The following M1AP variants were observed in gnomAD, a reference collection of about 807,000 sequenced individuals.
The protein encoded by M1AP is meiosis 1 arrest protein.
Under a neutral mutation model 51.2 loss-of-function variants are expected in M1AP, and 39 were observed. That is an observed-to-expected ratio of 0.76 (90% CI 0.59 to 1.00). The LOEUF (loss-of-function observed/expected upper bound fraction) is 1.00. Among genes scored for constraint, M1AP ranks in the 50% least tolerant of loss-of-function variants. The pLI is 0.00. For missense variants in M1AP, 545 were observed against 641.2 expected (o/e 0.85, Z 1.62); for synonymous variants, 251 against 249.2 (o/e 1.01, Z -0.07).
chr2:74,623,527 G>A (rs1370833274), intron 2 of M1AP, among the ~76,000 whole-genome samples: 1 of 151,710 alleles, frequency 6.6e-6, no homozygotes, highest in Non-Finnish European at 1.5e-5. Flanking sequence ...AAGAGAGAGA[G>A]AGAGTTTGAG....
Position 74,639,920 on chromosome 2 carries a change from G to A in M1AP, c.240+116C>T, listed in dbSNP as rs1683193767. The A allele has an allele frequency of 6.8e-6, 6 of 877,784 alleles. No individual in the cohort carries two copies. In the Admixed American group the frequency reaches 1.3e-4, roughly 19 times the overall value. The allele number at this position is 877,784 out of a possible 1,614,324, so 54.4% of individuals were successfully genotyped here. A position where few individuals can be genotyped will look rare whatever the true frequency, so the allele number is the denominator to read the frequency against. On this transcript the variant is annotated intron_variant, in intron 2 of 10. Transcript: ENST00000421985. ...CATGGTGTTACTCGGGGGCTACTGT[G>A]TGTGGAGAAGTAGTGCGGTTATTGT...
At chr2:74,581,879 T>TA (rs1679429690) in intron 4 of M1AP, 32 bp from the exon 5 acceptor site, 1 of 1,573,908 alleles carries the variant, frequency 6.4e-7, no homozygotes, top group African/African-American at 1.4e-5. Flanking sequence ...AGTGTTCACT[T>TA]AGATTGTAAA....
In M1AP at chr2:74,619,373, T is replaced by C. The variant is rs549413271; in HGVS notation, c.241-4224A>G. ...ACTCACATTACCATGAATCCACTTC[T>C]GTAACTGGTCCTAGACCAACCATAA... On this transcript the variant is annotated intron_variant, in intron 2 of 10. Coordinates refer to ENST00000421985, the MANE Select transcript of M1AP (RefSeq NM_001321739.2). The C allele has an allele frequency of 9.7e-5, 19 of 195,562 alleles. 1 individual carries two copies. The South Asian group carries it at 2.3e-3, about 23-fold the overall frequency. 12.1% of individuals were successfully genotyped at this position (195,562 alleles called of 1,614,324 possible). A position where few individuals can be genotyped will look rare whatever the true frequency, so the allele number is the denominator to read the frequency against.
At chr2:74,618,467 G>A (rs1227918697) in intron 2 of M1AP, among the ~76,000 whole-genome samples, 1 of 152,186 alleles carries the variant, frequency 6.6e-6, no homozygotes, top group African/African-American at 2.4e-5. Flanking sequence ...TCAGACTGTA[G>A]CAGGGCCCTT....
chr2:74,570,562 G>A (rs1461250750), intron 7 of M1AP, among the ~76,000 whole-genome samples: 2 of 152,188 alleles, frequency 1.3e-5, no homozygotes, highest in Non-Finnish European at 2.9e-5. Flanking sequence ...AATGTCTAAT[G>A]ACAAGTGGAA....
At chr2:74,576,675 G>A in intron 5 of M1AP, 57 bp from the exon 6 acceptor site, 2 of 1,578,162 alleles carry the variant, frequency 1.3e-6, no homozygotes, top group Middle Eastern at 1.7e-4. Context: ...AGGATTGTGG[G>A]TAATAAGTTA....
chr2:74,588,424 C>T (rs1679845745), intron 4 of M1AP, among the ~76,000 whole-genome samples: 1 of 152,158 alleles, frequency 6.6e-6, no homozygotes, highest in Non-Finnish European at 1.5e-5. Context: ...TACAGGATAG[C>T]TATAGGATGT....
intron 1 of M1AP, among the ~76,000 whole-genome samples, chr2:74,643,202 T>C (rs1456382832): frequency 6.6e-6 from 1 of 152,008 alleles, no homozygotes; most frequent in East Asian, 1.9e-4. Context: ...TTAATAACAA[T>C]CTTGTTCACA....
At chr2:74,567,740 C>A (rs755699871) in intron 7 of M1AP, among the ~76,000 whole-genome samples, 1 of 152,136 alleles carries the variant, frequency 6.6e-6, no homozygotes, top group Non-Finnish European at 1.5e-5. Flanking sequence ...TATAAAAGCT[C>A]CAAAGAATGC....
chr2:74,613,533 C>T (rs1254743071), intron 3 of M1AP, among the ~76,000 whole-genome samples: 1 of 128,844 alleles, frequency 7.8e-6, no homozygotes, highest in African/African-American at 4.0e-5. Context: ...CTAGAGTGGG[C>T]TGAAGTTGAG....
intron 7 of M1AP, among the ~76,000 whole-genome samples, chr2:74,573,200 C>G (rs1344490526): frequency 6.6e-6 from 1 of 152,024 alleles, no homozygotes; most frequent in African/African-American, 2.4e-5. Flanking sequence ...GCATCTGCCA[C>G]CACGCCCAGC....
chr2:74,615,064 C>T lies in M1AP; in HGVS notation c.326G>A (p.Gly109Asp). ...CTCTACTGCCAGCCGCAGAGAAGCACCTTGTGATCTGAAACACCCTTCTCT... is the reference window on the plus strand; with the variant it reads ...CTCTACTGCCAGCCGCAGAGAAGCATCTTGTGATCTGAAACACCCTTCTCT... ...LQREGCFRSQ[G>D]ASLRLAVEDG... The change falls in exon 3 of 11, where the codon GGT becomes GAT. Residue 109 changes from glycine to aspartate, a missense_variant. Coordinates refer to ENST00000421985, the MANE Select transcript of M1AP (RefSeq NM_001321739.2). 1.9e-6 allele frequency: 3 copies of T among 1,614,150 alleles called. No individual in the cohort carries two copies. Among genetic ancestry groups the T allele is most frequent in the Non-Finnish European group, 2.5e-6 (3 of 1,180,022 alleles).
intron 3 of M1AP, among the ~76,000 whole-genome samples, chr2:74,607,700 T>C (rs1380666216): frequency 6.6e-6 from 1 of 152,126 alleles, no homozygotes; most frequent in Non-Finnish European, 1.5e-5. Flanking sequence ...GGTCTCGAAC[T>C]CCTGACCTCG....
At chr2:74,622,590 A>C (rs1282860007) in intron 2 of M1AP, among the ~76,000 whole-genome samples, 2 of 149,904 alleles carry the variant, frequency 1.3e-5, no homozygotes, top group African/African-American at 4.9e-5. Context: ...CTAATAGAAA[A>C]ATTTGTATTA....
intron 4 of M1AP, among the ~76,000 whole-genome samples, chr2:74,601,961 G>C (rs1680702731): frequency 1.3e-5 from 2 of 152,148 alleles, no homozygotes; most frequent in Admixed American, 1.3e-4. Flanking sequence ...TTTTATAAAT[G>C]AATCTGCAAT....
chr2:74,629,751 C>CAA (rs61660960), intron 2 of M1AP, among the ~76,000 whole-genome samples: 7,112 of 137,898 alleles, frequency 0.052, 474 homozygotes, highest in African/African-American at 0.16. Flanking sequence ...GATTCTGTCT[C>CAA]AAAAAAAAAA....
rs116031302 is a variant in M1AP at position 74,575,152 on chromosome 2, T to C, written c.1074+286A>G. The C allele has an allele frequency of 6.2e-3, 1,713 of 276,120 alleles. 8 individuals carry two copies. The highest frequency in any genetic ancestry group is 8.2e-3 in the Admixed American group (126 of 15,418). The allele number at this position is 276,120 out of a possible 1,614,324, so 17.1% of individuals were successfully genotyped here. A position where few individuals can be genotyped will look rare whatever the true frequency, so the allele number is the denominator to read the frequency against. Reference sequence around the variant, plus strand: ...GTTAGGAAGGAAGTAGGTTTTAAAATACAGGTACGTACGGAAAATTCCCTG... The same window carrying C: ...GTTAGGAAGGAAGTAGGTTTTAAAACACAGGTACGTACGGAAAATTCCCTG... On this transcript the variant is annotated intron_variant, in intron 7 of 10. Transcript: ENST00000421985.
chr2:74,646,167 CAGTT>C (rs1231886516), intron 1 of M1AP, among the ~76,000 whole-genome samples: 3 of 152,202 alleles, frequency 2.0e-5, no homozygotes, highest in African/African-American at 2.4e-5. Flanking sequence ...ATCCATTAGT[CAGTT>C]AAAGCACAGA....
At chr2:74,594,043 G>A (rs562180170) in intron 4 of M1AP, among the ~76,000 whole-genome samples, 5 of 152,296 alleles carry the variant, frequency 3.3e-5, no homozygotes, top group South Asian at 4.1e-4. Flanking sequence ...CACATATGGG[G>A]TGAACTGAAA....
Sources: gnomAD v4.1 joint callset for allele counts (sites outside exome capture counted in the v4.1 genomes callset) on GRCh38, gnomAD v4.1.1 for gene constraint, MANE v1.5 for transcripts, NCBI Gene and HGNC (gene_info 2026-07-23, HGNC 2026-07-21) for gene names.